The following INTS9 variants were observed in gnomAD, a reference collection of about 807,000 sequenced individuals.
INTS9 encodes the protein integrator complex subunit 9, also known as protein related to CPSF subunits of 74 kDa.
A neutral mutation model predicts 79.7 loss-of-function variants in INTS9; 55 were observed. That is an observed-to-expected ratio of 0.69 (90% CI 0.56 to 0.86). The LOEUF is 0.86. Among genes scored for constraint, INTS9 ranks in the 40% least tolerant of loss-of-function variants. The pLI, the probability that INTS9 is intolerant of heterozygous loss-of-function variation, is 0.00. For synonymous variants in INTS9, 319 were observed against 325.2 expected (o/e 0.98, Z 0.20); for missense variants, 721 against 831.5 (o/e 0.87, Z 1.64).
intron 1 of INTS9, among the ~76,000 whole-genome samples, chr8:28,863,621 C>T (rs1038013567): frequency 1.3e-5 from 2 of 152,044 alleles, no homozygotes; most frequent in Admixed American, 1.3e-4. Context: ...ACTAAAGATA[C>T]AAAAATTAGC....
chr8:28,791,326 A>G (rs1006106673), intron 10 of INTS9, among the ~76,000 whole-genome samples: 2 of 151,974 alleles, frequency 1.3e-5, no homozygotes, highest in African/African-American at 4.8e-5. Context: ...GGATCCCTCT[A>G]GCCTCATACC....
At chr8:28,849,991 A>C in intron 3 of INTS9, 1 of 399,476 alleles carries the variant, frequency 2.5e-6, no homozygotes. Context: ...AGATTTCTAC[A>C]CATGAGCAAA....
chr8:28,868,104 T>C (rs1370073029), intron 1 of INTS9, among the ~76,000 whole-genome samples: 3 of 152,208 alleles, frequency 2.0e-5, no homozygotes, highest in African/African-American at 7.2e-5. Context: ...CATATTACTT[T>C]TTGCAGAGGT....
chr8:28,780,388 C>T, intron 12 of INTS9: 1 of 985,260 alleles, frequency 1.0e-6, no homozygotes, highest in Non-Finnish European at 1.2e-6. Context: ...AAACACTCTA[C>T]TTGACCTTAT....
rs143568689 is a variant in INTS9 at position 28,796,593 on chromosome 8, G to T, written c.807C>A (p.Ile269=). 291 of 1,613,980 alleles carry T rather than the reference G, an allele frequency of 1.8e-4. 1 individual carries two copies. Among genetic ancestry groups the T allele is most frequent in the Admixed American group, 1.2e-3 (69 of 59,994 alleles). Residue 269 remains isoleucine, a synonymous_variant, in exon 9 of 17, where the codon ATC becomes ATA. Transcript: ENST00000521022. The part of the protein sequence containing the change: ...DVLVLTGLTQ[I]PTANPDGMVG... ...CCATTCCATCTGGGTTTGCAGTGGG[G>T]ATCTGGGTAAGCCCTGTCAGAACAA...
At chr8:28,856,648 C>T (rs1808176822) in intron 2 of INTS9, among the ~76,000 whole-genome samples, 1 of 152,194 alleles carries the variant, frequency 6.6e-6, no homozygotes, top group South Asian at 2.1e-4. Flanking sequence ...AAAAGAGTTA[C>T]TAACTAAAGA....
chr8:28,852,678 T>A (rs1469792708), intron 2 of INTS9, among the ~76,000 whole-genome samples: 1 of 152,228 alleles, frequency 6.6e-6, no homozygotes, highest in Non-Finnish European at 1.5e-5. Context: ...TGCAGTTAGT[T>A]GTCCTCAACA....
At chr8:28,881,268 C>G (rs1336070177) in intron 1 of INTS9, among the ~76,000 whole-genome samples, 2 of 148,738 alleles carry the variant, frequency 1.3e-5, no homozygotes, top group South Asian at 2.1e-4. Context: ...GTCAGCCCCC[C>G]GCCCGGCCAG....
intron 12 of INTS9, among the ~76,000 whole-genome samples, 177 bp from the exon 13 acceptor site, chr8:28,778,130 G>C (rs1803005750): frequency 2.0e-5 from 3 of 152,144 alleles, no homozygotes; most frequent in Admixed American, 2.0e-4. Flanking sequence ...AGGCTGGGAT[G>C]GACCCTGTGG....
At chr8:28,796,804 A>T in intron 8 of INTS9, 149 bp from the exon 9 acceptor site, 1 of 601,122 alleles carries the variant, frequency 1.7e-6, no homozygotes, top group South Asian at 2.1e-5. Flanking sequence ...GTCTGTCCTT[A>T]ACCACTGGCT....
At chr8:28,846,834 A>G (rs772786379) in intron 3 of INTS9, 25 bp from the exon 4 acceptor site, 2 of 1,573,728 alleles carry the variant, frequency 1.3e-6, no homozygotes, top group East Asian at 2.2e-5. Flanking sequence ...AAGGAAAAAT[A>G]CAAGGAAGAG....
chr8:28,814,135 G>T (rs939702831), intron 6 of INTS9, among the ~76,000 whole-genome samples: 24 of 151,284 alleles, frequency 1.6e-4, no homozygotes, highest in Non-Finnish European at 3.1e-4. Flanking sequence ...ACAGAAAAAC[G>T]TTTTATCATT....
Position 28,878,549 on chromosome 8 carries a change from C to T in INTS9, c.9+11325G>A, listed in dbSNP as rs537405773. On this transcript the variant is annotated intron_variant, in intron 1 of 16. Coordinates refer to ENST00000521022, the MANE Select transcript of INTS9 (RefSeq NM_018250.4). Reference sequence around the variant, plus strand: ...GTTGCCCAGGCTGGACTCAAACTTGCGAGCTCAAGTGATCCTCCTGCCTTG... The same window carrying T: ...GTTGCCCAGGCTGGACTCAAACTTGTGAGCTCAAGTGATCCTCCTGCCTTG... Among the ~76,000 whole-genome samples, 48 of 150,276 alleles carry T rather than the reference C, an allele frequency of 3.2e-4. No homozygotes were observed. The South Asian group carries it at 9.7e-3, about 30-fold the overall frequency.
At chr8:28,781,867 TC>T (rs1006691927) in intron 11 of INTS9, among the ~76,000 whole-genome samples, 4 of 152,132 alleles carry the variant, frequency 2.6e-5, no homozygotes, top group Non-Finnish European at 5.9e-5. Flanking sequence ...AGGTCACTGT[TC>T]ATTTGTTCAA....
intron 1 of INTS9, among the ~76,000 whole-genome samples, chr8:28,877,325 C>T (rs1809449396): frequency 6.6e-6 from 1 of 152,040 alleles, no homozygotes; most frequent in African/African-American, 2.4e-5. Context: ...TAAAAATATG[C>T]TCCACATTGC....
intron 1 of INTS9, among the ~76,000 whole-genome samples, chr8:28,879,783 AT>A (rs1399517462): frequency 6.6e-6 from 1 of 152,200 alleles, no homozygotes; most frequent in Non-Finnish European, 1.5e-5. Context: ...CTTCAGAAAC[AT>A]TACACCAAAT....
chr8:28,775,308 C>A (rs1444861225), intron 14 of INTS9, among the ~76,000 whole-genome samples: 1 of 152,168 alleles, frequency 6.6e-6, no homozygotes, highest in Non-Finnish European at 1.5e-5. Context: ...GAAAATCCCC[C>A]CTCTTCCCGG....
intron 6 of INTS9, among the ~76,000 whole-genome samples, chr8:28,817,587 G>A (rs1329824057): frequency 3.9e-5 from 6 of 152,146 alleles, no homozygotes; most frequent in East Asian, 1.9e-4. Flanking sequence ...GTCAGGTAGC[G>A]TGATGCCTCC....
intron 1 of INTS9, among the ~76,000 whole-genome samples, chr8:28,879,636 A>G (rs922517955): frequency 1.3e-5 from 2 of 152,210 alleles, no homozygotes; most frequent in African/African-American, 4.8e-5. Context: ...CCACACAGTC[A>G]TAACAGCCAA....
Sources: allele counts gnomAD v4.1 joint callset (sites outside exome capture counted in the v4.1 genomes callset), GRCh38; gene constraint gnomAD v4.1.1; transcripts MANE v1.5; gene names NCBI Gene and HGNC (gene_info 2026-07-23, HGNC 2026-07-21).